Variants in NDST3 observed in about 807,000 individuals in gnomAD.
The protein encoded by NDST3 is N-deacetylase and N-sulfotransferase 3.
NDST3 carries 58 observed loss-of-function variants against 96.1 expected under a neutral mutation model. That is an observed-to-expected ratio of 0.60 (90% CI 0.49 to 0.75). The LOEUF (loss-of-function observed/expected upper bound fraction) is 0.75, where lower values mean the gene tolerates loss of function less well. NDST3 is among the 30% of genes least tolerant of loss of function. The pLI, the probability that NDST3 is intolerant of heterozygous loss-of-function variation, is 0.00. For synonymous variants in NDST3, 333 were observed against 359.7 expected (o/e 0.93, Z 0.84); for missense variants, 788 against 1,034.2 (o/e 0.76, Z 3.27).
intron 2 of NDST3, among the ~76,000 whole-genome samples, chr4:118,087,660 G>T (rs1381932269): frequency 1.3e-5 from 2 of 152,108 alleles, no homozygotes; most frequent in South Asian, 4.1e-4. Flanking sequence ...TGATTGGGCA[G>T]GGGGAGAGAG....
At chr4:118,068,097 T>C (rs1050728139) in intron 2 of NDST3, among the ~76,000 whole-genome samples, 5 of 151,836 alleles carry the variant, frequency 3.3e-5, no homozygotes, top group African/African-American at 1.2e-4. Flanking sequence ...GGAGCAAAGT[T>C]ATTACTTAAT....
chr4:118,144,914 T>G (rs754292638), intron 6 of NDST3, among the ~76,000 whole-genome samples: 6 of 152,160 alleles, frequency 3.9e-5, no homozygotes, highest in Non-Finnish European at 7.3e-5. Flanking sequence ...CTGCTTGTAT[T>G]CATCACTATA....
At chr4:118,247,030 C>A (rs1394172098) in intron 12 of NDST3, among the ~76,000 whole-genome samples, 2 of 152,102 alleles carry the variant, frequency 1.3e-5, no homozygotes, top group South Asian at 4.1e-4. Context: ...TAAACAGAAT[C>A]TCACTCAACA....
At chr4:118,254,478 G>A (rs1578882152) in intron 13 of NDST3, among the ~76,000 whole-genome samples, 1 of 152,184 alleles carries the variant, frequency 6.6e-6, no homozygotes, top group East Asian at 1.9e-4. Flanking sequence ...AGCACTTCCT[G>A]TTTATTCTGT....
intron 6 of NDST3, among the ~76,000 whole-genome samples, chr4:118,210,276 G>A (rs1738698882): frequency 6.6e-6 from 1 of 152,118 alleles, no homozygotes; most frequent in Non-Finnish European, 1.5e-5. Flanking sequence ...GTTTCCTGCA[G>A]GAGGGGGACA....
At chr4:118,227,011 A>G in intron 8 of NDST3, 29 bp downstream of exon 8, 2 of 1,480,604 alleles carry the variant, frequency 1.4e-6, no homozygotes, top group Non-Finnish European at 1.9e-6. Context: ...ATGATTAACG[A>G]GTGTAAATTT....
At chr4:118,061,715 A>G (rs1725909218) in intron 2 of NDST3, among the ~76,000 whole-genome samples, 1 of 152,128 alleles carries the variant, frequency 6.6e-6, no homozygotes, top group Non-Finnish European at 1.5e-5. Context: ...AGCACAGAGA[A>G]ATGTGCCTGG....
At chr4:118,044,001 A>G (rs1724612448) in intron 1 of NDST3, among the ~76,000 whole-genome samples, 1 of 152,250 alleles carries the variant, frequency 6.6e-6, no homozygotes, top group Non-Finnish European at 1.5e-5. Context: ...GCTTACAGAG[A>G]AAATAACTTT....
intron 6 of NDST3, among the ~76,000 whole-genome samples, chr4:118,145,977 G>A (rs1289419440): frequency 3.3e-5 from 5 of 152,138 alleles, no homozygotes; most frequent in South Asian, 4.1e-4. Flanking sequence ...GCCGGAGGCC[G>A]GACTACTATA....
At chr4:118,086,331 A>G (rs529626975) in intron 2 of NDST3, among the ~76,000 whole-genome samples, 1 of 152,288 alleles carries the variant, frequency 6.6e-6, no homozygotes, top group East Asian at 1.9e-4. Flanking sequence ...ATGTAGTAAA[A>G]TCTTTTCAAA....
At chr4:118,096,809 T>C (rs1729355896) in intron 2 of NDST3, among the ~76,000 whole-genome samples, 1 of 151,920 alleles carries the variant, frequency 6.6e-6, no homozygotes, top group Non-Finnish European at 1.5e-5. Flanking sequence ...CCAGCAGAGC[T>C]AAGTGTGTAG....
chr4:118,150,930 A>G (rs1734347595), intron 6 of NDST3, among the ~76,000 whole-genome samples: 1 of 151,624 alleles, frequency 6.6e-6, no homozygotes, highest in African/African-American at 2.4e-5. Context: ...ATAAAGACAC[A>G]TGCACACGTA....
At chr4:118,194,799 C>T in intron 6 of NDST3, 2 of 393,934 alleles carry the variant, frequency 5.1e-6, no homozygotes, top group Non-Finnish European at 9.3e-6. Context: ...CACCAGCATA[C>T]TCTGAGCCAA....
intron 2 of NDST3, among the ~76,000 whole-genome samples, chr4:118,089,871 A>G (rs1319700896): frequency 6.6e-6 from 1 of 151,978 alleles, no homozygotes; most frequent in Non-Finnish European, 1.5e-5. Flanking sequence ...GTGAAAGCAG[A>G]GGTGATAACT....
chr4:118,066,525 G>T (rs186146778), intron 2 of NDST3, among the ~76,000 whole-genome samples: 3 of 55,968 alleles, frequency 5.4e-5, no homozygotes, highest in African/African-American at 2.5e-4. Context: ...CATTATATAT[G>T]TTATATATTA....
intron 4 of NDST3, among the ~76,000 whole-genome samples, chr4:118,116,495 C>T (rs6534084): frequency 0.53 from 80,042 of 151,992 alleles, 25,300 homozygotes; most frequent in East Asian, 0.74. Flanking sequence ...ATTACTTGAA[C>T]GAATCAATGA....
intron 6 of NDST3, among the ~76,000 whole-genome samples, chr4:118,192,703 T>G (rs1389962941): frequency 1.3e-5 from 2 of 149,844 alleles, no homozygotes; most frequent in African/African-American, 4.9e-5. Flanking sequence ...GTATAATTTG[T>G]TTTTTGTGGG....
intron 12 of NDST3, among the ~76,000 whole-genome samples, chr4:118,244,919 G>T (rs1159356463): frequency 6.6e-6 from 1 of 152,092 alleles, no homozygotes; most frequent in Non-Finnish European, 1.5e-5. Context: ...CTCAGTGATT[G>T]TGTGAATGAA....
intron 7 of NDST3, 143 bp from the exon 8 acceptor site, chr4:118,226,743 C>A: frequency 1.7e-6 from 1 of 605,568 alleles, no homozygotes; most frequent in Non-Finnish European, 2.9e-6. Context: ...GATGCCACTT[C>A]AGGGCTTTCA....
Sources: allele counts gnomAD v4.1 joint callset (sites outside exome capture counted in the v4.1 genomes callset), GRCh38; gene constraint gnomAD v4.1.1; transcripts MANE v1.5; gene names NCBI Gene and HGNC (gene_info 2026-07-23, HGNC 2026-07-21).